SGIP1: variants seen among roughly 807,000 people sequenced by gnomAD.
SGIP1 encodes the protein SH3-containing GRB2-like protein 3-interacting protein 1.
A neutral mutation model predicts 107.5 loss-of-function variants in SGIP1; 38 were observed. That is an observed-to-expected ratio of 0.35 (90% CI 0.27 to 0.46). The LOEUF (loss-of-function observed/expected upper bound fraction) is 0.46, where lower values mean the gene tolerates loss of function less well. Ranked by LOEUF, SGIP1 falls within the 20% of genes least tolerant of loss-of-function variation. SGIP1 has a pLI of 1.00. For missense variants in SGIP1, 929 were observed against 1,019.5 expected (o/e 0.91, Z 1.21); for synonymous variants, 365 against 366.1 (o/e 1.00, Z 0.03).
At chr1:66,662,952 C>T (rs1344715929) in intron 8 of SGIP1, among the ~76,000 whole-genome samples, 3 of 152,110 alleles carry the variant, frequency 2.0e-5, no homozygotes, top group Non-Finnish European at 4.4e-5. Flanking sequence ...ATACAAATGG[C>T]TGCAATCAGA....
intron 7 of SGIP1, among the ~76,000 whole-genome samples, chr1:66,652,395 G>A (rs1009929746): frequency 3.3e-5 from 5 of 152,302 alleles, no homozygotes; most frequent in Middle Eastern, 3.4e-3. Flanking sequence ...TGATGTGAGA[G>A]CAGGAGCTGA....
At chr1:66,683,974 C>A in intron 15 of SGIP1, 1 of 1,371,084 alleles carries the variant, frequency 7.3e-7, no homozygotes, top group South Asian at 1.5e-5. Context: ...GCCTCAGCCT[C>A]CCAAAGTGCT....
intron 1 of SGIP1, among the ~76,000 whole-genome samples, chr1:66,614,809 CTTTTTTTTTTTTT>C (rs10707091): frequency 3.4e-5 from 2 of 59,388 alleles, no homozygotes; most frequent in African/African-American, 6.8e-5. Flanking sequence ...TTCCAGCTGT[CTTTTTTTTTTTTT>C]TTTTTTTTTT....
chr1:66,645,459 T>C (rs17129248), intron 7 of SGIP1, among the ~76,000 whole-genome samples: 2,366 of 152,242 alleles, frequency 0.016, 61 homozygotes, highest in African/African-American at 0.051. Flanking sequence ...AAGATTCTGA[T>C]GAAAAAATGT....
intron 18 of SGIP1, chr1:66,704,577 A>G (rs2150265500): frequency 6.6e-6 from 1 of 152,330 alleles, no homozygotes; most frequent in East Asian, 1.9e-4. Flanking sequence ...TGAGAATTCC[A>G]GGGGGAAACT....
chr1:66,710,729 A>C (rs2150341591), intron 18 of SGIP1, among the ~76,000 whole-genome samples: 1 of 152,348 alleles, frequency 6.6e-6, no homozygotes, highest in African/African-American at 2.4e-5. Context: ...TAGGAAGGAT[A>C]TAGGATTCCA....
intron 1 of SGIP1, among the ~76,000 whole-genome samples, chr1:66,621,666 T>C (rs1420186533): frequency 6.6e-6 from 1 of 152,242 alleles, no homozygotes; most frequent in Non-Finnish European, 1.5e-5. Context: ...ATTTGCCTAC[T>C]CTGGAAATTT....
chr1:66,706,295 T>G (rs113705131), intron 18 of SGIP1, among the ~76,000 whole-genome samples: 1,918 of 147,248 alleles, frequency 0.013, 44 homozygotes, highest in African/African-American at 0.045. Flanking sequence ...TTTGAATATA[T>G]TTTATATTAT....
intron 2 of SGIP1, among the ~76,000 whole-genome samples, chr1:66,626,768 G>A (rs1462097019): frequency 6.6e-6 from 1 of 152,102 alleles, no homozygotes; most frequent in African/African-American, 2.4e-5. Flanking sequence ...AGGTAGAAAT[G>A]CAGAACTGAT....
intron 1 of SGIP1, among the ~76,000 whole-genome samples, chr1:66,615,597 A>G (rs1489726851): frequency 2.0e-5 from 3 of 152,220 alleles, no homozygotes; most frequent in African/African-American, 7.2e-5. Context: ...ATTATCCAGT[A>G]TATTTTCTTT....
At chr1:66,714,538 T>C (rs1039947624) in intron 18 of SGIP1, among the ~76,000 whole-genome samples, 5 of 152,170 alleles carry the variant, frequency 3.3e-5, no homozygotes, top group African/African-American at 1.2e-4. Flanking sequence ...TCTCAGTAAA[T>C]ATGACAGAGC....
At chr1:66,552,325 TAAC>T (rs908641807) in intron 1 of SGIP1, among the ~76,000 whole-genome samples, 6 of 152,156 alleles carry the variant, frequency 3.9e-5, no homozygotes, top group African/African-American at 1.4e-4. Context: ...AAAATTCATT[TAAC>T]AACACAATTT....
At chr1:66,667,251 A>G (rs1179514900) in intron 8 of SGIP1, among the ~76,000 whole-genome samples, 1 of 152,068 alleles carries the variant, frequency 6.6e-6, no homozygotes, top group African/African-American at 2.4e-5. Flanking sequence ...GTTTTCTTGT[A>G]TGTTTCTGCC....
intron 15 of SGIP1, among the ~76,000 whole-genome samples, chr1:66,685,440 T>C (rs1219271132): frequency 2.0e-5 from 3 of 152,224 alleles, no homozygotes; most frequent in African/African-American, 4.8e-5. Flanking sequence ...GCAAAGTCTC[T>C]CTTCTCCCAT....
chr1:66,602,527 T>C (rs2066042791), intron 1 of SGIP1, among the ~76,000 whole-genome samples: 1 of 152,056 alleles, frequency 6.6e-6, no homozygotes, highest in South Asian at 2.1e-4. Flanking sequence ...GGAGAACAAA[T>C]GAAATACTGG....
rs1362193930 is a variant in SGIP1 at position 66,557,807 on chromosome 1, A to C, written c.10+23439A>C. 2.0e-5 allele frequency among the ~76,000 whole-genome samples: 3 copies of C among 152,246 alleles called. No individual in the cohort carries two copies. In the East Asian group the frequency reaches 5.8e-4, roughly 29 times the overall value. On this transcript the variant is annotated intron_variant, in intron 1 of 24. Coordinates refer to ENST00000371037, the MANE Select transcript of SGIP1 (RefSeq NM_032291.4). ...ATTTATGAATTGTGCCACACCTGAA[A>C]TTAACTTTTGTTAGAAGTGGAAATG...
chr1:66,676,748 C>A (rs149351322), intron 12 of SGIP1, among the ~76,000 whole-genome samples: 1 of 152,182 alleles, frequency 6.6e-6, no homozygotes, highest in African/African-American at 2.4e-5. Context: ...GAAGCAAATG[C>A]AGATTCTGCT....
At chr1:66,677,722 G>A (rs1234748975) in intron 13 of SGIP1, among the ~76,000 whole-genome samples, 2 of 152,232 alleles carry the variant, frequency 1.3e-5, no homozygotes, top group Non-Finnish European at 2.9e-5. Flanking sequence ...GGACTGAATG[G>A]ATTGTTCATC....
rs17489773 is a variant in SGIP1, at chr1:66,637,398, G to A, written c.171+1383G>A. On this transcript the variant is annotated intron_variant, in intron 4 of 24. Coordinates refer to ENST00000371037, the MANE Select transcript of SGIP1 (RefSeq NM_032291.4). The stretch of plus-strand genomic sequence containing the variant: ...CTTGGGAAACCAAAGATATTTGTAA[G>A]AATCCACTGGCATAACTGAGACCAA... Among the ~76,000 whole-genome samples, 1,452 of 151,520 alleles carry A rather than the reference G, an allele frequency of 9.6e-3. 11 individuals carry two copies. Among genetic ancestry groups the A allele is most frequent in the Admixed American group, 0.015 (230 of 15,192 alleles).
Sources: allele counts gnomAD v4.1 joint callset (sites outside exome capture counted in the v4.1 genomes callset), GRCh38; gene constraint gnomAD v4.1.1; transcripts MANE v1.5; gene names NCBI Gene and HGNC (gene_info 2026-07-23, HGNC 2026-07-21).